CFAP300: variants seen among roughly 807,000 people sequenced by gnomAD.
The protein encoded by CFAP300 is cilia and flagella associated protein 300.
A neutral mutation model predicts 33.0 loss-of-function variants in CFAP300; 32 were observed. The observed-to-expected ratio is 0.97, with a 90% CI of 0.73 to 1.30. CFAP300 has a LOEUF of 1.30. Ranked by LOEUF, CFAP300 falls within the 50% of genes most tolerant of loss-of-function variation. CFAP300 has a pLI of 0.00. For missense variants in CFAP300, 356 were observed against 318.1 expected (o/e 1.12, Z -0.90); for synonymous variants, 102 against 106.8 (o/e 0.95, Z 0.28).
At chr11:102,057,975 C>T (rs1434311656) in intron 2 of CFAP300, 2 of 152,318 alleles carry the variant, frequency 1.3e-5, no homozygotes, top group South Asian at 2.1e-4. Flanking sequence ...AAGGTTGGGC[C>T]TGGTTAGTAC....
At chr11:102,070,262 G>T (rs1404965448) in intron 4 of CFAP300, among the ~76,000 whole-genome samples, 1 of 152,084 alleles carries the variant, frequency 6.6e-6, no homozygotes, top group African/African-American at 2.4e-5. Context: ...CCTAACCTTG[G>T]TTTTCATCAA....
chr11:102,058,582 A>G (rs1402351286), intron 2 of CFAP300, among the ~76,000 whole-genome samples: 1 of 149,728 alleles, frequency 6.7e-6, no homozygotes, highest in South Asian at 2.2e-4. Context: ...TCAATAAGCA[A>G]GATTGAAGGA....
intron 5 of CFAP300, 75 bp downstream of exon 5, chr11:102,076,120 C>G (rs1281401197): frequency 1.4e-6 from 2 of 1,469,556 alleles, no homozygotes; most frequent in Non-Finnish European, 1.8e-6. Context: ...GATGGAATTA[C>G]ACAACATCAT....
At chr11:102,061,632 A>G (rs750468143) in intron 3 of CFAP300, among the ~76,000 whole-genome samples, 3 of 152,258 alleles carry the variant, frequency 2.0e-5, no homozygotes, top group Non-Finnish European at 4.4e-5. Flanking sequence ...GTAGTATTAT[A>G]TATCACTATT....
At chr11:102,081,658 C>T (rs547752557) in intron 6 of CFAP300, among the ~76,000 whole-genome samples, 2 of 151,910 alleles carry the variant, frequency 1.3e-5, no homozygotes, top group African/African-American at 4.8e-5. Flanking sequence ...TTTAGGGGGC[C>T]GAGGCAGGCA....
In CFAP300 at chr11:102,074,123, G is replaced by A. The variant is rs780380805; in HGVS notation, c.436-1750G>A. On this transcript the variant is annotated intron_variant, in intron 4 of 6. Coordinates refer to ENST00000434758, the MANE Select transcript of CFAP300 (RefSeq NM_032930.3). ...ATTGGGGCTCTAGGGATGTGGAGAT[G>A]CAGGGACTTTTGGGCCCCAAGGAAG... 1.4e-4 allele frequency among the ~76,000 whole-genome samples: 21 copies of A among 151,932 alleles called. 1 individual carries two copies. The highest frequency in any genetic ancestry group is 9.2e-4 in the Admixed American group (14 of 15,272).
intron 3 of CFAP300, among the ~76,000 whole-genome samples, chr11:102,065,188 A>G (rs909632320): frequency 8.6e-5 from 13 of 151,648 alleles, no homozygotes; most frequent in African/African-American, 2.9e-4. Flanking sequence ...CTTACTGCAA[A>G]CTCCACTTCC....
At position 102,066,517 on chromosome 11, in the gene CFAP300, G is replaced by A. The variant is rs766791307; in HGVS notation, c.301G>A (p.Val101Ile). The change falls in exon 4 of 7, where the codon GTT (valine) becomes ATT (isoleucine). Residue 101 changes from valine (V) to isoleucine (I), a missense_variant. Transcript: ENST00000434758. ...TEVKKIEAINVPCTQLSMSFF... is the reference protein window; with the variant it reads ...TEVKKIEAINIPCTQLSMSFF... ...AGTGAAAAAAATTGAAGCTATAAAT[G>A]TTCCTTGCACACAGCTTTCAATGTC... 3 of 1,604,640 alleles carry A rather than the reference G, an allele frequency of 1.9e-6. No homozygotes were observed. Among genetic ancestry groups the A allele is most frequent in the South Asian group, 2.3e-5 (2 of 87,948 alleles).
Position 102,083,317 on chromosome 11 carries a change from CT to C in CFAP300, c.*120del. On this transcript the variant is annotated 3_prime_UTR_variant, in exon 7 of 7. Transcript: ENST00000434758. ...ATTCAAGAAAAATGTAAGGAGCCTA[CT>C]TAGAGCAGAAGAAAGCAAACACCAA... 1 of 816,208 alleles carries C rather than the reference CT, an allele frequency of 1.2e-6. No individual in the cohort carries two copies. The highest frequency in any genetic ancestry group is 1.6e-6 in the Non-Finnish European group (1 of 608,490). The allele number at this position is 816,208 out of a possible 1,614,324, so 50.6% of individuals were successfully genotyped here.
At chr11:102,074,678 C>G (rs747629181) in intron 4 of CFAP300, among the ~76,000 whole-genome samples, 27 of 149,856 alleles carry the variant, frequency 1.8e-4, no homozygotes, top group Admixed American at 4.6e-4. Context: ...TTATTTGGGT[C>G]TTATTATATC....
intron 4 of CFAP300, among the ~76,000 whole-genome samples, chr11:102,067,018 G>A (rs1377440831): frequency 6.6e-6 from 1 of 152,050 alleles, no homozygotes; most frequent in Non-Finnish European, 1.5e-5. Flanking sequence ...GCTCAATGTG[G>A]GCCTTTTAAC....
chr11:102,067,775 AGC>A (rs1322608979), intron 4 of CFAP300, among the ~76,000 whole-genome samples: 2 of 152,170 alleles, frequency 1.3e-5, no homozygotes, highest in African/African-American at 4.8e-5. Context: ...GGTGCAGTGG[AGC>A]GCACCTGTGG....
At chr11:102,049,438 A>G (rs999215861) in intron 2 of CFAP300, among the ~76,000 whole-genome samples, 13 of 152,172 alleles carry the variant, frequency 8.5e-5, no homozygotes, top group African/African-American at 3.1e-4. Flanking sequence ...AACTAAGGTC[A>G]CTTTGTGATA....
At chr11:102,060,033 G>A (rs1942125841) in intron 3 of CFAP300, among the ~76,000 whole-genome samples, 3 of 152,190 alleles carry the variant, frequency 2.0e-5, no homozygotes, top group African/African-American at 7.2e-5. Flanking sequence ...GTGCAGTGGT[G>A]TGATCTCAGC....
chr11:102,069,067 C>G (rs1232224310), intron 4 of CFAP300, among the ~76,000 whole-genome samples: 2 of 152,140 alleles, frequency 1.3e-5, no homozygotes, highest in African/African-American at 4.8e-5. Context: ...TATTAGTTTT[C>G]CAACAGAATA....
At chr11:102,081,429 G>A (rs967265611) in intron 6 of CFAP300, 148 bp downstream of exon 6, 1 of 697,272 alleles carries the variant, frequency 1.4e-6, no homozygotes, top group African/African-American at 1.8e-5. Context: ...AAAGTTGATA[G>A]AGTATGCTTT....
intron 2 of CFAP300, among the ~76,000 whole-genome samples, chr11:102,058,231 T>C (rs1942088188): frequency 6.6e-6 from 1 of 152,058 alleles, no homozygotes; most frequent in African/African-American, 2.4e-5. Context: ...TTCTTCTGCC[T>C]TTTCAGCTTG....
At chr11:102,062,519 GGA>G (rs2135028647) in intron 3 of CFAP300, among the ~76,000 whole-genome samples, 1 of 152,268 alleles carries the variant, frequency 6.6e-6, no homozygotes, top group South Asian at 2.1e-4. Context: ...CAAATAACTT[GGA>G]TGAACTGTTT....
chr11:102,068,524 C>T (rs777610124), intron 4 of CFAP300, among the ~76,000 whole-genome samples: 9 of 152,218 alleles, frequency 5.9e-5, no homozygotes, highest in Non-Finnish European at 1.3e-4. Flanking sequence ...TGGTGGCTTA[C>T]TTCTGTAATC....
Sources: gnomAD v4.1 joint callset for allele counts (sites outside exome capture counted in the v4.1 genomes callset) on GRCh38, gnomAD v4.1.1 for gene constraint, MANE v1.5 for transcripts, NCBI Gene and HGNC (gene_info 2026-07-23, HGNC 2026-07-21) for gene names.